The following PTPRD variants were observed in gnomAD, a reference collection of about 807,000 sequenced individuals.
PTPRD encodes the protein receptor-type tyrosine-protein phosphatase delta.
In PTPRD, 34 loss-of-function variants were observed where a neutral mutation model predicts 214.5. The observed-to-expected ratio is 0.16, with a 90% confidence interval of 0.12 to 0.21. PTPRD has a LOEUF of 0.21. Ranked by LOEUF, PTPRD falls within the 10% of genes least tolerant of loss-of-function variation. PTPRD has a pLI of 1.00. For synonymous variants in PTPRD, 1,128 were observed against 845.7 expected (o/e 1.33, Z -5.79); for missense variants, 2,545 against 2,398.7 (o/e 1.06, Z -1.27).
chr9:8,913,389 A>T (rs1185126676), intron 11 of PTPRD, among the ~76,000 whole-genome samples: 1 of 152,150 alleles, frequency 6.6e-6, no homozygotes, highest in Non-Finnish European at 1.5e-5. Context: ...ATTCACAAAC[A>T]TATCAAAGGT....
At chr9:8,745,157 G>T (rs938275912) in intron 11 of PTPRD, among the ~76,000 whole-genome samples, 1 of 151,982 alleles carries the variant, frequency 6.6e-6, no homozygotes. Flanking sequence ...CATCATTTTG[G>T]GCAACCCTCT....
intron 14 of PTPRD, among the ~76,000 whole-genome samples, chr9:8,577,867 A>G (rs1010336041): frequency 2.0e-5 from 3 of 152,174 alleles, no homozygotes; most frequent in Non-Finnish European, 4.4e-5. Flanking sequence ...TTGTAGTTCA[A>G]CAAGCCTTTC....
At chr9:9,786,392 G>C (rs1361864609) in intron 5 of PTPRD, among the ~76,000 whole-genome samples, 1 of 152,180 alleles carries the variant, frequency 6.6e-6, no homozygotes, top group Non-Finnish European at 1.5e-5. Context: ...TCAAGAACCT[G>C]AAGAATTTTA....
At chr9:9,835,461 A>G (rs1458369193) in intron 5 of PTPRD, among the ~76,000 whole-genome samples, 7 of 152,158 alleles carry the variant, frequency 4.6e-5, no homozygotes, top group East Asian at 1.9e-4. Flanking sequence ...AAGAAGATAC[A>G]GTGATGTACA....
intron 5 of PTPRD, among the ~76,000 whole-genome samples, chr9:9,846,818 T>C (rs2059619464): frequency 6.6e-6 from 1 of 152,060 alleles, no homozygotes; most frequent in South Asian, 2.1e-4. Context: ...TCCTTTTGAT[T>C]GACTAAAAAC....
chr9:10,478,169 G>C (rs1589078714), intron 2 of PTPRD, among the ~76,000 whole-genome samples: 1 of 151,868 alleles, frequency 6.6e-6, no homozygotes, highest in Non-Finnish European at 1.5e-5. Context: ...ATTTCAATCA[G>C]AATACCACCC....
intron 11 of PTPRD, among the ~76,000 whole-genome samples, chr9:8,949,207 GAGCGA>G: frequency 7.0e-6 from 1 of 143,302 alleles, no homozygotes. Flanking sequence ...CTGGGCAACA[GAGCGA>G]GACTCCATCT....
rs555776748 is a variant in PTPRD at position 8,920,997 on chromosome 9, C to G, written c.-104+97700G>C. Among the ~76,000 whole-genome samples, 86 of 152,092 alleles carry G rather than the reference C, an allele frequency of 5.7e-4. 1 individual carries two copies. The highest frequency in any genetic ancestry group is 6.8e-3 in the Middle Eastern group (2 of 294). On this transcript the variant is annotated intron_variant, in intron 11 of 45. Transcript: ENST00000381196. ...CCAGGCTTACTTTTGTATTTTTAGT[C>G]GAGACAGGGTATCACCATGTTGGCC...
intron 9 of PTPRD, among the ~76,000 whole-genome samples, chr9:9,265,934 G>C (rs149279948): frequency 1.3e-5 from 2 of 151,594 alleles, no homozygotes; most frequent in African/African-American, 4.8e-5. Context: ...TCAAAAGACA[G>C]AGTGGCTAAA....
At chr9:9,074,074 T>A (rs1411525751) in intron 10 of PTPRD, among the ~76,000 whole-genome samples, 2 of 151,994 alleles carry the variant, frequency 1.3e-5, no homozygotes, top group Non-Finnish European at 2.9e-5. Flanking sequence ...TTGTTATCCT[T>A]AAAATAATCC....
intron 44 of PTPRD, 121 bp from the exon 45 acceptor site, chr9:8,320,087 A>G: frequency 5.7e-6 from 7 of 1,223,954 alleles, no homozygotes; most frequent in Non-Finnish European, 7.7e-6. Context: ...AGCCATATTC[A>G]GGAAAACATG....
At chr9:10,125,098 C>T (rs1045675759) in intron 3 of PTPRD, among the ~76,000 whole-genome samples, 1 of 152,058 alleles carries the variant, frequency 6.6e-6, no homozygotes, top group African/African-American at 2.4e-5. Flanking sequence ...ATTTAGGGTC[C>T]CATTTGATAA....
chr9:10,546,323 C>T (rs1485718536), intron 2 of PTPRD, among the ~76,000 whole-genome samples: 2 of 151,790 alleles, frequency 1.3e-5, no homozygotes, highest in African/African-American at 4.8e-5. Context: ...CCTCATGTCT[C>T]CATGAAGGAA....
chr9:9,675,445 A>G (rs934053986), intron 7 of PTPRD, among the ~76,000 whole-genome samples: 7 of 151,884 alleles, frequency 4.6e-5, no homozygotes, highest in African/African-American at 1.7e-4. Context: ...GATCAACAAA[A>G]TTAAAAGCAA....
chr9:9,943,784 G>A (rs893887884), intron 4 of PTPRD, among the ~76,000 whole-genome samples: 2 of 152,218 alleles, frequency 1.3e-5, no homozygotes, highest in South Asian at 4.1e-4. Context: ...TGCTTGGTAA[G>A]TACAGTAGAC....
chr9:8,813,063 C>G (rs576444847), intron 11 of PTPRD, among the ~76,000 whole-genome samples: 5 of 152,068 alleles, frequency 3.3e-5, no homozygotes, highest in Admixed American at 3.3e-4. Context: ...TATGAAATGG[C>G]AGGAAGGTCA....
chr9:8,846,731 G>C (rs2097704652), intron 11 of PTPRD, among the ~76,000 whole-genome samples: 1 of 152,164 alleles, frequency 6.6e-6, no homozygotes, highest in African/African-American at 2.4e-5. Flanking sequence ...GTGTGTTAGG[G>C]ATGGAAGGAG....
intron 3 of PTPRD, among the ~76,000 whole-genome samples, chr9:10,248,511 CA>C (rs869102479): frequency 1.6e-3 from 19 of 11,702 alleles, no homozygotes; most frequent in South Asian, 8.8e-3. Flanking sequence ...GTACATATAG[CA>C]AAAAAAAAAA....
intron 10 of PTPRD, among the ~76,000 whole-genome samples, chr9:9,139,203 TGTAATA>T (rs200580938): frequency 0.03 from 4,631 of 151,972 alleles, 101 homozygotes; most frequent in East Asian, 0.12. Flanking sequence ...TGTTTTTTTC[TGTAATA>T]GTAAGTCCTC....
Sources: gnomAD v4.1 joint callset for allele counts (sites outside exome capture counted in the v4.1 genomes callset) on GRCh38, gnomAD v4.1.1 for gene constraint, MANE v1.5 for transcripts, NCBI Gene and HGNC (gene_info 2026-07-23, HGNC 2026-07-21) for gene names.